DUSP16: variants seen among roughly 807,000 people sequenced by gnomAD.
The protein encoded by DUSP16 is dual specificity phosphatase 16.
In DUSP16, 21 loss-of-function variants were observed where a neutral mutation model predicts 58.3. The ratio of observed to expected loss-of-function variants is 0.36; its 90% CI spans 0.26 to 0.52. The LOEUF (loss-of-function observed/expected upper bound fraction) is 0.52, where lower values mean the gene tolerates loss of function less well. DUSP16 is among the 20% of genes least tolerant of loss of function. The probability of loss-of-function intolerance (pLI) is 0.94; values close to 1 mark genes in which losing one functional copy is unlikely to be tolerated. For missense variants in DUSP16, 726 were observed against 819.0 expected (o/e 0.89, Z 1.39); for synonymous variants, 320 against 323.8 (o/e 0.99, Z 0.12).
chr12:12,500,485 A>G (rs1245789302), intron 4 of DUSP16, 34 bp downstream of exon 4: 2 of 1,577,274 alleles, frequency 1.3e-6, no homozygotes, highest in Non-Finnish European at 1.7e-6. Context: ...AACAATATAA[A>G]CCCAGCAATG....
At chr12:12,548,016 G>A (rs1022890022) in intron 1 of DUSP16, among the ~76,000 whole-genome samples, 5 of 152,236 alleles carry the variant, frequency 3.3e-5, no homozygotes, top group Non-Finnish European at 5.9e-5. Flanking sequence ...CCCTGACTAA[G>A]CAGTACCAGT....
In DUSP16 at chr12:12,562,027, G is replaced by GC. The variant is rs1313652090; in HGVS notation, c.-366+89dup. On this transcript the variant is annotated intron_variant, in intron 1 of 6. Transcript: ENST00000298573. ...CCGGCACCGGGAGTCGGGGCGCGCT[G>GC]CGGAGCGTCCATGCGGCCGGGCGGG... 6 of 149,976 alleles carry GC rather than the reference G, an allele frequency of 4.0e-5. No individual in the cohort carries two copies. The East Asian group carries it at 7.8e-4, about 19-fold the overall frequency. 9.3% of individuals were successfully genotyped at this position (149,976 alleles called of 1,614,324 possible). A position where few individuals can be genotyped will look rare whatever the true frequency, so the allele number is the denominator to read the frequency against.
At chr12:12,553,693 C>A (rs556816133) in intron 1 of DUSP16, among the ~76,000 whole-genome samples, 1 of 152,094 alleles carries the variant, frequency 6.6e-6, no homozygotes, top group Non-Finnish European at 1.5e-5. Flanking sequence ...CAGGTGTGCA[C>A]CATCACACCC....
chr12:12,527,583 C>T (rs901164420), intron 1 of DUSP16, among the ~76,000 whole-genome samples: 3 of 152,082 alleles, frequency 2.0e-5, no homozygotes, highest in Non-Finnish European at 4.4e-5. Flanking sequence ...ACATGTACCC[C>T]AGAACTTAAA....
chr12:12,521,980 G>A (rs1944243813), intron 1 of DUSP16, among the ~76,000 whole-genome samples: 1 of 152,208 alleles, frequency 6.6e-6, no homozygotes, highest in Non-Finnish European at 1.5e-5. Flanking sequence ...GCACATGTGA[G>A]CTCACGCGAG....
chr12:12,479,399 G>A (rs979733749), intron 6 of DUSP16, among the ~76,000 whole-genome samples: 1 of 152,198 alleles, frequency 6.6e-6, no homozygotes, highest in Non-Finnish European at 1.5e-5. Flanking sequence ...CGTGATAGAA[G>A]GGTGCCTTTT....
intron 1 of DUSP16, among the ~76,000 whole-genome samples, chr12:12,554,929 A>G (rs1460683040): frequency 6.6e-6 from 1 of 152,246 alleles, no homozygotes; most frequent in Non-Finnish European, 1.5e-5. Context: ...AGGAAATAAT[A>G]CTATGCTTCA....
At chr12:12,484,785 C>T (rs1943647348) in intron 5 of DUSP16, among the ~76,000 whole-genome samples, 1 of 151,842 alleles carries the variant, frequency 6.6e-6, no homozygotes, top group Admixed American at 6.6e-5. Flanking sequence ...CCATGCCCGA[C>T]TAATTTTTAT....
At chr12:12,496,971 A>G (rs1943835966) in intron 4 of DUSP16, among the ~76,000 whole-genome samples, 1 of 152,200 alleles carries the variant, frequency 6.6e-6, no homozygotes. Context: ...GCTGAGACCT[A>G]GACTGTCCAA....
chr12:12,490,709 A>G (rs1367142501), intron 4 of DUSP16, among the ~76,000 whole-genome samples: 1 of 152,246 alleles, frequency 6.6e-6, no homozygotes, highest in East Asian at 1.9e-4. Flanking sequence ...TTTTTAAAGA[A>G]GAGCAGGAAC....
intron 1 of DUSP16, among the ~76,000 whole-genome samples, chr12:12,525,731 TACACACACACAC>T (rs35552389): frequency 2.7e-5 from 4 of 146,080 alleles, no homozygotes; most frequent in South Asian, 2.2e-4. Flanking sequence ...AATATATGTA[TACACACACACAC>T]ACACACACAC....
chr12:12,482,802 GCTC>G (rs1379117015), intron 5 of DUSP16, among the ~76,000 whole-genome samples: 1 of 152,170 alleles, frequency 6.6e-6, no homozygotes, highest in Non-Finnish European at 1.5e-5. Flanking sequence ...GTAACTGTGA[GCTC>G]CTAGGCTCAA....
At chr12:12,521,947 GGTGTATATGT>G (rs200108328) in intron 1 of DUSP16, among the ~76,000 whole-genome samples, 280 of 152,268 alleles carry the variant, frequency 1.8e-3, no homozygotes, top group Middle Eastern at 0.014. Flanking sequence ...TGAATGGGTA[GGTGTATATGT>G]GTGTATGTGT....
At chr12:12,485,722 TGCTTGCCTCG>T (rs1352335390) in intron 5 of DUSP16, among the ~76,000 whole-genome samples, 1 of 151,980 alleles carries the variant, frequency 6.6e-6, no homozygotes, top group Non-Finnish European at 1.5e-5. Context: ...TTCAAGTGAT[TGCTTGCCTCG>T]GCTTGTTAAA....
At chr12:12,558,838 C>A (rs1405989814) in intron 1 of DUSP16, among the ~76,000 whole-genome samples, 2 of 152,138 alleles carry the variant, frequency 1.3e-5, no homozygotes, top group African/African-American at 4.8e-5. Context: ...CCTTTCATGG[C>A]AAGATGTATT....
chr12:12,510,882 T>C (rs1214955445), intron 3 of DUSP16, among the ~76,000 whole-genome samples: 2 of 152,184 alleles, frequency 1.3e-5, no homozygotes, highest in Non-Finnish European at 2.9e-5. Flanking sequence ...CCAGGGTGCA[T>C]GATGTCTTAG....
In DUSP16 at chr12:12,498,357, C is replaced by T. The variant is rs114656378; in HGVS notation, c.531+2162G>A. Among the ~76,000 whole-genome samples the T allele has an allele frequency of 6.7e-3, 1,018 of 151,972 alleles. 11 individuals are homozygous for T. The highest frequency in any genetic ancestry group is 0.023 in the African/African-American group (941 of 41,506). ...TCAACGCTAAGGTTTTTGTCAACAA[C>T]GAACCTAGAGGTCAAACATGCATTT... is the stretch of plus-strand genomic sequence containing the variant. On this transcript the variant is annotated intron_variant, in intron 4 of 6. Coordinates refer to ENST00000298573, the MANE Select transcript of DUSP16 (RefSeq NM_030640.3).
chr12:12,518,549 T>TA (rs1324008142), intron 3 of DUSP16, among the ~76,000 whole-genome samples: 1 of 151,754 alleles, frequency 6.6e-6, no homozygotes, highest in East Asian at 1.9e-4. Flanking sequence ...CTGATCCCAT[T>TA]AACAGGATTC....
intron 4 of DUSP16, among the ~76,000 whole-genome samples, chr12:12,499,759 T>A (rs1290636551): frequency 6.6e-6 from 1 of 152,152 alleles, no homozygotes; most frequent in African/African-American, 2.4e-5. Context: ...TTAAGAGATT[T>A]TAGAGAAAAA....
Sources: gnomAD v4.1 joint callset for allele counts (sites outside exome capture counted in the v4.1 genomes callset) on GRCh38, gnomAD v4.1.1 for gene constraint, MANE v1.5 for transcripts, NCBI Gene and HGNC (gene_info 2026-07-23, HGNC 2026-07-21) for gene names.